Variants in DCC observed in about 807,000 individuals in gnomAD.
The protein encoded by DCC is netrin receptor DCC.
A neutral mutation model predicts 172.5 loss-of-function variants in DCC; 58 were observed. The observed-to-expected ratio is 0.34, with a 90% CI of 0.27 to 0.42. The LOEUF (loss-of-function observed/expected upper bound fraction) is 0.42. Among genes scored for constraint, DCC ranks in the 10% least tolerant of loss-of-function variants. The pLI, the probability that DCC is intolerant of heterozygous loss-of-function variation, is 1.00. For missense variants in DCC, 1,740 were observed against 1,791.0 expected (o/e 0.97, Z 0.51); for synonymous variants, 709 against 644.5 (o/e 1.10, Z -1.52).
chr18:52,647,832 A>C (rs559031054), intron 1 of DCC, among the ~76,000 whole-genome samples: 3 of 152,196 alleles, frequency 2.0e-5, no homozygotes, highest in African/African-American at 7.2e-5. Context: ...GGATCTTGCT[A>C]TGTATTAGCA....
intron 2 of DCC, among the ~76,000 whole-genome samples, chr18:52,862,460 T>C (rs1036277496): frequency 3.3e-5 from 5 of 152,068 alleles, no homozygotes; most frequent in African/African-American, 4.8e-5. Context: ...CCCAACACTT[T>C]GGGAGGCTGA....
chr18:53,327,654 T>TAA (rs911494305), intron 14 of DCC, among the ~76,000 whole-genome samples: 14 of 152,110 alleles, frequency 9.2e-5, no homozygotes, highest in Non-Finnish European at 2.1e-4. Context: ...AGGAAATAGG[T>TAA]AATCAGCCTT....
chr18:53,211,304 C>T (rs1443971803), intron 11 of DCC, among the ~76,000 whole-genome samples: 1 of 152,128 alleles, frequency 6.6e-6, no homozygotes, highest in Non-Finnish European at 1.5e-5. Flanking sequence ...AGAAAGAGTT[C>T]ACAACAGGTA....
At chr18:52,401,929 C>T (rs1986455248) in intron 1 of DCC, among the ~76,000 whole-genome samples, 1 of 151,920 alleles carries the variant, frequency 6.6e-6, no homozygotes, top group Admixed American at 6.6e-5. Context: ...AACTTTGTTA[C>T]ATTAATACAA....
At chr18:52,420,877 T>C (rs529433729) in intron 1 of DCC, among the ~76,000 whole-genome samples, 1 of 152,162 alleles carries the variant, frequency 6.6e-6, no homozygotes, top group South Asian at 2.1e-4. Flanking sequence ...TGTTAGCATC[T>C]GGTGTGGGCA....
intron 2 of DCC, among the ~76,000 whole-genome samples, chr18:52,817,757 T>C (rs2038328125): frequency 2.6e-5 from 4 of 152,160 alleles, no homozygotes; most frequent in African/African-American, 9.7e-5. Flanking sequence ...GGATATTTTC[T>C]TTAGGAAAAC....
chr18:52,567,978 G>A (rs1375751678), intron 1 of DCC, among the ~76,000 whole-genome samples: 1 of 152,074 alleles, frequency 6.6e-6, no homozygotes, highest in African/African-American at 2.4e-5. Flanking sequence ...GATGAAATCT[G>A]ACTAAAGTCT....
chr18:52,583,115 T>C (rs1382230121), intron 1 of DCC, among the ~76,000 whole-genome samples: 1 of 152,180 alleles, frequency 6.6e-6, no homozygotes, highest in African/African-American at 2.4e-5. Context: ...ATCTCTTTGA[T>C]AAATCAACAA....
intron 1 of DCC, among the ~76,000 whole-genome samples, chr18:52,395,266 T>C (rs1403369482): frequency 6.6e-6 from 1 of 152,064 alleles, no homozygotes; most frequent in Non-Finnish European, 1.5e-5. Context: ...AAGGAGGTGT[T>C]TATTGTGTCT....
intron 1 of DCC, among the ~76,000 whole-genome samples, chr18:52,397,403 C>A (rs2144365006): frequency 6.6e-6 from 1 of 152,136 alleles, no homozygotes. Flanking sequence ...GGTCCTCACA[C>A]ACAGAAAATA....
chr18:53,347,090 A>C (rs1332583410), intron 15 of DCC, among the ~76,000 whole-genome samples: 1 of 151,976 alleles, frequency 6.6e-6, no homozygotes, highest in Non-Finnish European at 1.5e-5. Context: ...TATCTCCAGA[A>C]CTCCTTTTTG....
intron 18 of DCC, among the ~76,000 whole-genome samples, chr18:53,401,872 C>A (rs1263220040): frequency 6.6e-6 from 1 of 152,126 alleles, no homozygotes; most frequent in Non-Finnish European, 1.5e-5. Context: ...TTTGCTGCCA[C>A]CTTTAAATAT....
At chr18:52,459,553 T>C (rs921708305) in intron 1 of DCC, among the ~76,000 whole-genome samples, 1 of 152,006 alleles carries the variant, frequency 6.6e-6, no homozygotes, top group Non-Finnish European at 1.5e-5. Flanking sequence ...CTGCAAGCTC[T>C]GCCTCCCGGG....
chr18:52,949,866 T>C (rs1019993408), intron 5 of DCC, among the ~76,000 whole-genome samples: 2 of 152,236 alleles, frequency 1.3e-5, no homozygotes, highest in African/African-American at 4.8e-5. Flanking sequence ...AGTTCCCTCC[T>C]CTAACCTCTT....
chr18:52,529,544 C>T (rs770938844), intron 1 of DCC, among the ~76,000 whole-genome samples: 69 of 152,192 alleles, frequency 4.5e-4, no homozygotes, highest in Non-Finnish European at 9.1e-4. Flanking sequence ...CCCGCCTCGG[C>T]CTCCCAAAGT....
At chr18:52,398,129 A>G (rs941543900) in intron 1 of DCC, among the ~76,000 whole-genome samples, 6 of 124,246 alleles carry the variant, frequency 4.8e-5, no homozygotes, top group African/African-American at 1.7e-4. Context: ...TTGACGGTAC[A>G]TACATTGGTA....
intron 1 of DCC, among the ~76,000 whole-genome samples, chr18:52,490,775 G>C (rs572647134): frequency 6.6e-6 from 1 of 152,036 alleles, no homozygotes; most frequent in African/African-American, 2.4e-5. Context: ...TGGGGTATTA[G>C]GGACAGCAAA....
chr18:52,614,054 G>A (rs1598958410), intron 1 of DCC, among the ~76,000 whole-genome samples: 3 of 152,132 alleles, frequency 2.0e-5, no homozygotes, highest in South Asian at 2.1e-4. Flanking sequence ...TGGTACCAAC[G>A]CTTTCCAAAT....
intron 15 of DCC, among the ~76,000 whole-genome samples, chr18:53,344,797 G>A (rs1388794558): frequency 4.0e-5 from 6 of 150,326 alleles, no homozygotes; most frequent in Non-Finnish European, 5.9e-5. Context: ...ATTGCAGTAA[G>A]ATTATATTGC....
Sources: gnomAD v4.1 joint callset for allele counts (sites outside exome capture counted in the v4.1 genomes callset) on GRCh38, gnomAD v4.1.1 for gene constraint, MANE v1.5 for transcripts, NCBI Gene and HGNC (gene_info 2026-07-23, HGNC 2026-07-21) for gene names.